Variants in HCN1 observed in about 807,000 individuals in gnomAD.
The protein encoded by HCN1 is potassium/sodium hyperpolarization-activated cyclic nucleotide-gated channel 1.
Under a neutral mutation model 78.9 loss-of-function variants are expected in HCN1, and 13 were observed. The observed-to-expected ratio is 0.16, with a 90% CI of 0.11 to 0.26. The LOEUF (loss-of-function observed/expected upper bound fraction) is 0.26. Among genes scored for constraint, HCN1 ranks in the 10% least tolerant of loss-of-function variants. The pLI, the probability that HCN1 is intolerant of heterozygous loss-of-function variation, is 1.00. For synonymous variants in HCN1, 552 were observed against 455.5 expected (o/e 1.21, Z -2.70); for missense variants, 810 against 1,154.3 (o/e 0.70, Z 4.32).
Position 45,261,670 on chromosome 5 carries a change from T to C in HCN1, c.*251A>G, listed in dbSNP as rs1744737579. The C allele has an allele frequency of 3.2e-6, 1 of 310,558 alleles. No individual in the cohort carries two copies. Among genetic ancestry groups the C allele is most frequent in the Admixed American group, 4.3e-5 (1 of 23,256 alleles). 19.2% of individuals were successfully genotyped at this position (310,558 alleles called of 1,614,324 possible). A position where few individuals can be genotyped will look rare whatever the true frequency, so the allele number is the denominator to read the frequency against. On this transcript the variant is annotated 3_prime_UTR_variant, in exon 8 of 8. Transcript: ENST00000303230. ...TCTTACAACGACATTTTAAATCCTT[T>C]AATGATTTAAAGAAAGGAAGACATA...
chr5:45,346,878 G>A (rs1746728693), intron 5 of HCN1, among the ~76,000 whole-genome samples: 1 of 152,206 alleles, frequency 6.6e-6, no homozygotes, highest in East Asian at 1.9e-4. Flanking sequence ...GAACTGGGTG[G>A]AGCCCACCAC....
rs947763959 is a variant in HCN1, at chr5:45,473,050, GCT to G, written c.850-11045_850-11044del. 3.3e-5 allele frequency among the ~76,000 whole-genome samples: 5 copies of G among 151,814 alleles called. No homozygotes were observed. In the East Asian group the frequency reaches 9.7e-4, roughly 29 times the overall value. On this transcript the variant is annotated intron_variant, in intron 2 of 7. Transcript: ENST00000303230. ...CCTTTACAGAGTTCTACTTTCTCCT[GCT>G]CTCTTTTCCTTGCTCATCATCACTT...
intron 2 of HCN1, among the ~76,000 whole-genome samples, chr5:45,505,294 G>T (rs986522507): frequency 1.2e-4 from 19 of 152,150 alleles, no homozygotes; most frequent in Middle Eastern, 3.4e-3. Flanking sequence ...TGTAAGAAAG[G>T]GATCCAGTTT....
intron 1 of HCN1, among the ~76,000 whole-genome samples, chr5:45,665,999 T>C (rs1746041096): frequency 6.6e-6 from 1 of 152,020 alleles, no homozygotes; most frequent in Admixed American, 6.6e-5. Flanking sequence ...TAAGTACTTG[T>C]AATACTCTCC....
At chr5:45,351,707 G>T (rs1449904754) in intron 5 of HCN1, among the ~76,000 whole-genome samples, 1 of 147,326 alleles carries the variant, frequency 6.8e-6, no homozygotes, top group Non-Finnish European at 1.5e-5. Context: ...CCATCAAAAA[G>T]TGGGCAAAGG....
intron 1 of HCN1, among the ~76,000 whole-genome samples, chr5:45,672,311 GT>G (rs1232294918): frequency 2.6e-5 from 4 of 151,562 alleles, no homozygotes; most frequent in East Asian, 3.9e-4. Flanking sequence ...ACAGAATTTT[GT>G]TTTTTAAAGT....
intron 1 of HCN1, among the ~76,000 whole-genome samples, chr5:45,675,747 T>C (rs1056406161): frequency 6.6e-6 from 1 of 151,822 alleles, no homozygotes; most frequent in African/African-American, 2.4e-5. Context: ...TTTCCTTCCA[T>C]TGTGAACAAT....
intron 2 of HCN1, chr5:45,576,600 G>A (rs1743952608): frequency 6.6e-6 from 1 of 152,080 alleles, no homozygotes; most frequent in Non-Finnish European, 1.5e-5. Context: ...AGTATCACTA[G>A]TTGAAGGCTC....
At chr5:45,344,004 A>C (rs926594876) in intron 5 of HCN1, among the ~76,000 whole-genome samples, 2 of 152,182 alleles carry the variant, frequency 1.3e-5, no homozygotes, top group Non-Finnish European at 2.9e-5. Context: ...GACATAACTG[A>C]GACCGAGTAA....
intron 2 of HCN1, among the ~76,000 whole-genome samples, chr5:45,585,317 A>C (rs1382299295): frequency 2.0e-5 from 3 of 152,170 alleles, no homozygotes; most frequent in African/African-American, 7.2e-5. Flanking sequence ...CAGTTCATCA[A>C]ATCGGCTACT....
chr5:45,678,860 A>G (rs1031311916), intron 1 of HCN1, among the ~76,000 whole-genome samples: 2 of 151,938 alleles, frequency 1.3e-5, no homozygotes, highest in African/African-American at 4.8e-5. Context: ...AACATTTTGC[A>G]AAAACAAATG....
intron 1 of HCN1, among the ~76,000 whole-genome samples, chr5:45,649,341 A>G (rs1745632786): frequency 6.6e-6 from 1 of 152,000 alleles, no homozygotes; most frequent in African/African-American, 2.4e-5. Context: ...GCCCCTACAC[A>G]TATATAGTCC....
At chr5:45,359,431 A>G (rs1279307003) in intron 4 of HCN1, among the ~76,000 whole-genome samples, 1 of 150,640 alleles carries the variant, frequency 6.6e-6, no homozygotes, top group African/African-American at 2.4e-5. Flanking sequence ...ATATATATAT[A>G]TATCACCTGA....
intron 3 of HCN1, among the ~76,000 whole-genome samples, chr5:45,460,534 C>T (rs1741124360): frequency 1.3e-5 from 2 of 151,848 alleles, no homozygotes; most frequent in African/African-American, 2.4e-5. Flanking sequence ...GTGTGGGGAA[C>T]ACAGAAAAAT....
chr5:45,503,205 A>G (rs966750637), intron 2 of HCN1, among the ~76,000 whole-genome samples: 2 of 152,224 alleles, frequency 1.3e-5, no homozygotes, highest in African/African-American at 2.4e-5. Context: ...ATAGGGCAAC[A>G]TTCTGATGTA....
At chr5:45,286,139 T>A (rs1745266151) in intron 6 of HCN1, among the ~76,000 whole-genome samples, 1 of 151,984 alleles carries the variant, frequency 6.6e-6, no homozygotes, top group African/African-American at 2.4e-5. Flanking sequence ...CATGGGAGTA[T>A]TATTTTGTGT....
chr5:45,291,347 C>T (rs1375056055), intron 6 of HCN1, among the ~76,000 whole-genome samples: 1 of 151,908 alleles, frequency 6.6e-6, no homozygotes, highest in African/African-American at 2.4e-5. Flanking sequence ...TATGCCCACT[C>T]GTTCTGTTTT....
intron 2 of HCN1, among the ~76,000 whole-genome samples, chr5:45,593,164 T>A (rs1744409459): frequency 6.6e-6 from 1 of 152,134 alleles, no homozygotes; most frequent in Non-Finnish European, 1.5e-5. Flanking sequence ...ATTTTCAGAA[T>A]AATGACTTTG....
At chr5:45,538,731 C>T (rs891358030) in intron 2 of HCN1, among the ~76,000 whole-genome samples, 4 of 151,848 alleles carry the variant, frequency 2.6e-5, no homozygotes, top group African/African-American at 7.3e-5. Flanking sequence ...TGTACATTAT[C>T]GAATTGACAT....
Sources: allele counts gnomAD v4.1 joint callset (sites outside exome capture counted in the v4.1 genomes callset), GRCh38; gene constraint gnomAD v4.1.1; transcripts MANE v1.5; gene names NCBI Gene and HGNC (gene_info 2026-07-23, HGNC 2026-07-21).